RBMS3: variants seen among roughly 807,000 people sequenced by gnomAD.
RBMS3 encodes RNA-binding motif, single-stranded-interacting protein 3.
Under a neutral mutation model 66.8 loss-of-function variants are expected in RBMS3, and 27 were observed. That is an observed-to-expected ratio of 0.40 (90% CI 0.30 to 0.56). The LOEUF (loss-of-function observed/expected upper bound fraction) is 0.56. Among genes scored for constraint, RBMS3 ranks in the 20% least tolerant of loss-of-function variants. RBMS3 has a pLI of 0.40. For synonymous variants in RBMS3, 188 were observed against 183.0 expected, an observed-to-expected ratio of 1.03 and a Z score of -0.22; for missense variants, 513 against 549.5, an observed-to-expected ratio of 0.93 and a Z score of 0.66.
At chr3:29,584,017 G>C (rs1379195265) in intron 3 of RBMS3, among the ~76,000 whole-genome samples, 1 of 151,964 alleles carries the variant, frequency 6.6e-6, no homozygotes. Context: ...CTTCTTCCCA[G>C]CCAAGATAAC....
intron 1 of RBMS3, among the ~76,000 whole-genome samples, chr3:29,328,162 T>C (rs1453733114): frequency 1.3e-5 from 2 of 152,192 alleles, no homozygotes; most frequent in African/African-American, 2.4e-5. Flanking sequence ...TTAAACAACG[T>C]GGCACGTTTA....
At chr3:29,942,984 A>G (rs1559823734) in intron 11 of RBMS3, among the ~76,000 whole-genome samples, 1 of 151,806 alleles carries the variant, frequency 6.6e-6, no homozygotes, top group African/African-American at 2.4e-5. Context: ...AAGAAACAAA[A>G]TAACTCATGT....
intron 4 of RBMS3, among the ~76,000 whole-genome samples, chr3:29,605,252 G>T (rs367546223): frequency 1.3e-5 from 2 of 151,752 alleles, no homozygotes; most frequent in Non-Finnish European, 2.9e-5. Flanking sequence ...AACATTTTAC[G>T]ATTGTTTAGG....
chr3:29,606,843 C>A (rs556701911), intron 4 of RBMS3, among the ~76,000 whole-genome samples: 1 of 152,072 alleles, frequency 6.6e-6, no homozygotes, highest in East Asian at 1.9e-4. Flanking sequence ...AGAAAAAATT[C>A]TATCCATCAA....
chr3:29,764,457 G>T, intron 6 of RBMS3, among the ~76,000 whole-genome samples: 1 of 151,532 alleles, frequency 6.6e-6, no homozygotes, highest in East Asian at 1.9e-4. Context: ...GAGTTGCATT[G>T]TTTGTGGACT....
At chr3:29,983,397 G>A (rs1004480160) in intron 12 of RBMS3, among the ~76,000 whole-genome samples, 6 of 152,030 alleles carry the variant, frequency 3.9e-5, no homozygotes, top group African/African-American at 1.4e-4. Flanking sequence ...TTTAATTGGG[G>A]CATTTAGCTC....
intron 6 of RBMS3, among the ~76,000 whole-genome samples, chr3:29,827,357 G>A (rs1314331609): frequency 6.6e-6 from 1 of 152,182 alleles, no homozygotes; most frequent in Non-Finnish European, 1.5e-5. Flanking sequence ...AGGGCCATAT[G>A]AATGTGAGGA....
chr3:29,800,080 T>C (rs1275196576), intron 6 of RBMS3, among the ~76,000 whole-genome samples: 1 of 152,186 alleles, frequency 6.6e-6, no homozygotes, highest in Non-Finnish European at 1.5e-5. Flanking sequence ...ACACAGAGAA[T>C]ACTAATCAGT....
At chr3:29,463,018 G>A (rs1396085442) in intron 2 of RBMS3, among the ~76,000 whole-genome samples, 1 of 152,150 alleles carries the variant, frequency 6.6e-6, no homozygotes, top group African/African-American at 2.4e-5. Flanking sequence ...ATCTCATGAA[G>A]GGAAAGGCAC....
intron 12 of RBMS3, among the ~76,000 whole-genome samples, chr3:29,954,419 T>A (rs1695886229): frequency 6.6e-6 from 1 of 151,976 alleles, no homozygotes; most frequent in Non-Finnish European, 1.5e-5. Flanking sequence ...TCCCTAGGGT[T>A]CAAGCAAACC....
At chr3:29,474,768 C>T (rs1260258382) in intron 2 of RBMS3, among the ~76,000 whole-genome samples, 2 of 152,054 alleles carry the variant, frequency 1.3e-5, no homozygotes, top group Admixed American at 6.6e-5. Context: ...ATAGAGGAGA[C>T]CATTAAACTA....
intron 6 of RBMS3, chr3:29,767,140 G>T (rs1429662280): frequency 6.6e-6 from 1 of 150,754 alleles, no homozygotes; most frequent in Non-Finnish European, 1.5e-5. Flanking sequence ...GACACTTCAG[G>T]GATCTGTGGG....
chr3:29,926,488 A>G (rs2060942229), intron 10 of RBMS3, among the ~76,000 whole-genome samples: 1 of 152,204 alleles, frequency 6.6e-6, no homozygotes, highest in Non-Finnish European at 1.5e-5. Flanking sequence ...CATAAGTAAG[A>G]TAACAGGCAG....
chr3:29,308,486 G>T (rs1225865730), intron 1 of RBMS3, among the ~76,000 whole-genome samples: 1 of 151,538 alleles, frequency 6.6e-6, no homozygotes, highest in Non-Finnish European at 1.5e-5. Flanking sequence ...TTTAAGAAGA[G>T]AAAATAAATG....
Position 29,711,229 on chromosome 3 carries a change from T to C in RBMS3, c.400-28491T>C, listed in dbSNP as rs187818612. On this transcript the variant is annotated intron_variant, in intron 4 of 14. Transcript: ENST00000383767. ...TTGTGATCCCTCTCTCAAAAGGTCT[T>C]ATTGTACTGTACCTTAGGTAACTGA... Among the ~76,000 whole-genome samples the C allele has an allele frequency of 2.4e-4, 37 of 152,306 alleles. No homozygotes were observed. In the East Asian group the frequency reaches 6.4e-3, roughly 26 times the overall value.
At chr3:29,947,641 A>G (rs973336654) in intron 12 of RBMS3, among the ~76,000 whole-genome samples, 1 of 151,420 alleles carries the variant, frequency 6.6e-6, no homozygotes, top group Admixed American at 6.6e-5. Flanking sequence ...GCAGGAATCT[A>G]TTCTCCTTTT....
At chr3:29,998,645 G>A (rs1046766673) in intron 14 of RBMS3, among the ~76,000 whole-genome samples, 8 of 152,162 alleles carry the variant, frequency 5.3e-5, no homozygotes, top group African/African-American at 1.9e-4. Flanking sequence ...TGACAAACCT[G>A]ACAAAAACAA....
At chr3:29,673,077 A>G (rs1018555205) in intron 4 of RBMS3, among the ~76,000 whole-genome samples, 1 of 152,242 alleles carries the variant, frequency 6.6e-6, no homozygotes, top group African/African-American at 2.4e-5. Context: ...AAATCAAATT[A>G]GAACTCAGGA....
At chr3:29,757,034 A>G (rs2055448342) in intron 5 of RBMS3, among the ~76,000 whole-genome samples, 1 of 152,126 alleles carries the variant, frequency 6.6e-6, no homozygotes, top group Admixed American at 6.5e-5. Flanking sequence ...TTTGAGCTCA[A>G]TCTCTGGCCC....
Sources: gnomAD v4.1 joint callset for allele counts (sites outside exome capture counted in the v4.1 genomes callset) on GRCh38, gnomAD v4.1.1 for gene constraint, MANE v1.5 for transcripts, NCBI Gene and HGNC (gene_info 2026-07-23, HGNC 2026-07-21) for gene names.